Variants in COBLL1 observed in about 807,000 individuals in gnomAD.
The protein encoded by COBLL1 is cordon-bleu WH2 repeat protein like 1.
Under a neutral mutation model 94.8 loss-of-function variants are expected in COBLL1, and 50 were observed. That is an observed-to-expected ratio of 0.53 (90% CI 0.42 to 0.67). The LOEUF is 0.67. Among genes scored for constraint, COBLL1 ranks in the 30% least tolerant of loss-of-function variants. The probability of loss-of-function intolerance (pLI) is 0.00; values close to 1 mark genes in which losing one functional copy is unlikely to be tolerated. For missense variants in COBLL1, 1,362 were observed against 1,348.7 expected (o/e 1.01, Z -0.15); for synonymous variants, 448 against 473.8 (o/e 0.95, Z 0.71).
At chr2:164,836,010 A>T (rs1473565078) in intron 2 of COBLL1, among the ~76,000 whole-genome samples, 3 of 152,162 alleles carry the variant, frequency 2.0e-5, no homozygotes, top group African/African-American at 7.2e-5. Context: ...ATATTAACAC[A>T]TCTGGCGTTT....
At chr2:164,733,275 G>C (rs1686118589) in intron 3 of COBLL1, among the ~76,000 whole-genome samples, 1 of 151,784 alleles carries the variant, frequency 6.6e-6, no homozygotes, top group Admixed American at 6.6e-5. Context: ...AAATAGTGTG[G>C]GTAATTGGTT....
At position 164,728,188 on chromosome 2, in the gene COBLL1, T is replaced by C. The variant is rs1395439073; in HGVS notation, c.442A>G (p.Arg148Gly). 6.2e-7 allele frequency: 1 copy of C among 1,607,764 alleles called. No individual in the cohort carries two copies. Residue 148 changes from arginine to glycine, a missense_variant, in exon 5 of 14, where the codon AGA becomes GGA. Transcript: ENST00000652658. ...GTTTTCTTAAAATTAATCACTACTC[T>C]CACAGTTTTCTGAAACACATATTAA... ...PTPIIPEKTV[R>G]VVINFKKTQK...
intron 2 of COBLL1, among the ~76,000 whole-genome samples, chr2:164,662,135 T>C (rs1691077770): frequency 6.6e-6 from 1 of 152,216 alleles, no homozygotes; most frequent in Non-Finnish European, 1.5e-5. Context: ...AAAAGTTAGA[T>C]GGAGCCAGAA....
intron 2 of COBLL1, among the ~76,000 whole-genome samples, chr2:164,819,422 T>C (rs1490150479): frequency 6.6e-6 from 1 of 152,158 alleles, no homozygotes; most frequent in African/African-American, 2.4e-5. Flanking sequence ...CTCAAACTTA[T>C]GAATATTTTA....
At chr2:164,670,405 G>GT (rs1654119263) in intron 1 of COBLL1, among the ~76,000 whole-genome samples, 1 of 152,152 alleles carries the variant, frequency 6.6e-6, no homozygotes, top group Non-Finnish European at 1.5e-5. Flanking sequence ...CTGATAATAA[G>GT]TTTTTTCAAT....
downstream of COBLL1, among the ~76,000 whole-genome samples, chr2:164,676,053 C>A (rs1024281526): frequency 6.6e-5 from 10 of 152,240 alleles, no homozygotes; most frequent in Admixed American, 2.0e-4. Context: ...AACAACTCAA[C>A]CCACAGGATT....
At chr2:164,798,276 T>A (rs900236595) in intron 2 of COBLL1, among the ~76,000 whole-genome samples, 2 of 152,258 alleles carry the variant, frequency 1.3e-5, no homozygotes, top group Non-Finnish European at 2.9e-5. Context: ...AAAGTTTTAA[T>A]TGTGAAATAT....
chr2:164,771,681 T>C (rs1688211153), intron 2 of COBLL1, among the ~76,000 whole-genome samples: 1 of 152,000 alleles, frequency 6.6e-6, no homozygotes, highest in Non-Finnish European at 1.5e-5. Context: ...AGTTTCTAAT[T>C]GTACATCACC....
At chr2:164,753,495 G>A (rs1687227888) in intron 2 of COBLL1, among the ~76,000 whole-genome samples, 1 of 151,492 alleles carries the variant, frequency 6.6e-6, no homozygotes, top group South Asian at 2.1e-4. Flanking sequence ...AATACGACTT[G>A]CCTGCTTCTT....
chr2:164,724,173 T>C (rs891934483), intron 5 of COBLL1: 7 of 152,202 alleles, frequency 4.6e-5, no homozygotes, highest in Non-Finnish European at 5.9e-5. Context: ...TTCAGTAATA[T>C]TGACTGCAAT....
intron 2 of COBLL1, among the ~76,000 whole-genome samples, chr2:164,791,646 C>T (rs1332045812): frequency 6.6e-6 from 1 of 152,188 alleles, no homozygotes; most frequent in Non-Finnish European, 1.5e-5. Context: ...CCCTTACATC[C>T]AGACATCTGT....
chr2:164,774,845 G>A (rs1688384994), intron 2 of COBLL1, among the ~76,000 whole-genome samples: 1 of 147,252 alleles, frequency 6.8e-6, no homozygotes, highest in Non-Finnish European at 1.5e-5. Context: ...GTAGTTTTCA[G>A]GTGCCTGTAT....
chr2:164,789,136 A>G (rs146392073), intron 2 of COBLL1, among the ~76,000 whole-genome samples: 1 of 152,030 alleles, frequency 6.6e-6, no homozygotes, highest in Non-Finnish European at 1.5e-5. Context: ...TAAGCATAGG[A>G]GTTCAAATCC....
Position 164,841,004 on chromosome 2 carries a change from G to A in COBLL1, c.41+152C>T, listed in dbSNP as rs916722053. 3.9e-5 allele frequency: 34 copies of A among 861,906 alleles called. No individual in the cohort carries two copies. The African/African-American group carries it at 5.4e-4, about 14-fold the overall frequency. 53.4% of individuals were successfully genotyped at this position (861,906 alleles called of 1,614,324 possible). A position where few individuals can be genotyped will look rare whatever the true frequency, so the allele number is the denominator to read the frequency against. On this transcript the variant is annotated intron_variant, in intron 2 of 13. Coordinates refer to ENST00000652658, the MANE Select transcript of COBLL1 (RefSeq NM_001365672.2). This position sits in a 1 kb window ranked among gnomAD's most constrained non-coding sequence, Gnocchi z 5.5. ...CGGGCGGCCTCCGAGAAGGCCGGGA[G>A]GAAGCAGCCTCCCCGGCCGCGTGGA...
intron 9 of COBLL1, among the ~76,000 whole-genome samples, chr2:164,702,095 AT>A (rs1684309561): frequency 1.3e-5 from 2 of 152,240 alleles, no homozygotes; most frequent in East Asian, 3.9e-4. Flanking sequence ...TTTTAATGGT[AT>A]TTTTATCATT....
chr2:164,719,552 G>A (rs901431128), intron 7 of COBLL1, among the ~76,000 whole-genome samples: 5 of 152,064 alleles, frequency 3.3e-5, no homozygotes, highest in Admixed American at 1.3e-4. Flanking sequence ...GTAATGGTTC[G>A]CTGTGGCAGC....
chr2:164,728,027 C>G lies in COBLL1; in HGVS notation c.603G>C (p.Leu201Phe), dbSNP rs747577452. 1.5e-5 allele frequency: 25 copies of G among 1,613,596 alleles called. No individual in the cohort carries two copies. The highest frequency in any genetic ancestry group is 2.7e-5 in the African/African-American group (2 of 74,902). ...GTCCCAGGTCATTAAGAGATTTTGTCAAGTCAAGAGGCTCCTGCGATTGAT... is the reference window on the plus strand; with the variant it reads ...GTCCCAGGTCATTAAGAGATTTTGTGAAGTCAAGAGGCTCCTGCGATTGAT... ...KDYQSQEPLD[L>F]TKSLNDLGLR... The change falls in exon 5 of 14, where the codon TTG becomes TTC. Residue 201 changes from leucine to phenylalanine, a missense_variant. Coordinates refer to ENST00000652658, the MANE Select transcript of COBLL1 (RefSeq NM_001365672.2).
chr2:164,748,304 A>G (rs2105577048), intron 2 of COBLL1, among the ~76,000 whole-genome samples: 1 of 152,282 alleles, frequency 6.6e-6, no homozygotes, highest in South Asian at 2.1e-4. Flanking sequence ...TTTAGTCACC[A>G]GCAAAATTTT....
At chr2:164,733,004 G>A (rs914367005) in intron 3 of COBLL1, among the ~76,000 whole-genome samples, 1 of 152,094 alleles carries the variant, frequency 6.6e-6, no homozygotes, top group Non-Finnish European at 1.5e-5. Context: ...GCAGTGAGCC[G>A]AGATCACGCC....
Sources: allele counts gnomAD v4.1 joint callset (sites outside exome capture counted in the v4.1 genomes callset), GRCh38; gene constraint gnomAD v4.1.1; non-coding constraint Gnocchi (gnomAD v3.1); transcripts MANE v1.5; gene names NCBI Gene and HGNC (gene_info 2026-07-23, HGNC 2026-07-21).